Variants in ARMH3 observed in about 807,000 individuals in gnomAD.
ARMH3 encodes the protein armadillo-like helical domain-containing protein 3.
Under a neutral mutation model 99.1 loss-of-function variants are expected in ARMH3, and 60 were observed. That is an observed-to-expected ratio of 0.61 (90% CI 0.49 to 0.75). The LOEUF (loss-of-function observed/expected upper bound fraction) is 0.75, where lower values mean the gene tolerates loss of function less well. Among genes scored for constraint, ARMH3 ranks in the 30% least tolerant of loss-of-function variants. ARMH3 has a pLI of 0.00. For synonymous variants in ARMH3, 285 were observed against 292.8 expected (o/e 0.97, Z 0.27); for missense variants, 679 against 843.1 (o/e 0.81, Z 2.41).
intron 23 of ARMH3, among the ~76,000 whole-genome samples, chr10:101,901,280 G>A (rs1169747025): frequency 1.3e-5 from 2 of 150,112 alleles, no homozygotes; most frequent in South Asian, 2.2e-4. Flanking sequence ...TATGGATCAC[G>A]TACTGGTTTT....
intron 14 of ARMH3, among the ~76,000 whole-genome samples, chr10:102,005,204 A>C (rs2066455744): frequency 6.6e-6 from 1 of 152,020 alleles, no homozygotes; most frequent in Admixed American, 6.6e-5. Flanking sequence ...CTCAAAAACA[A>C]ATAAATAAAT....
In ARMH3 at chr10:102,033,080, G is replaced by A; in HGVS notation, c.252C>T (p.His84=). The part of the protein sequence containing the change: ...IKDNINCLFQ[H]CIQALGEEHP... ...GCTCCTCTCCCAGAGCCTGGATGCA[G>A]TGTTGGAATAAGCAATTAATATTGT... The change falls in exon 4 of 26, where the codon CAC becomes CAT. Residue 84 remains histidine (H), a synonymous_variant. Coordinates refer to ENST00000370033, the MANE Select transcript of ARMH3 (RefSeq NM_024541.3). 6.2e-7 allele frequency: 1 copy of A among 1,614,214 alleles called. No individual in the cohort carries two copies. Among genetic ancestry groups the A allele is most frequent in the East Asian group, 2.2e-5 (1 of 44,890 alleles).
At chr10:101,850,251 C>G (rs2066564049) in intron 24 of ARMH3, among the ~76,000 whole-genome samples, 1 of 150,346 alleles carries the variant, frequency 6.7e-6, no homozygotes, top group Non-Finnish European at 1.5e-5. Context: ...GGGCACATCA[C>G]CACACCTGGC....
chr10:101,975,362 T>C, intron 19 of ARMH3, 62 bp from the exon 20 acceptor site: 5 of 1,354,362 alleles, frequency 3.7e-6, no homozygotes, highest in South Asian at 1.2e-5. Context: ...TCACCAGAGA[T>C]CCCTTCTTAG....
At chr10:101,957,828 T>TTA in intron 20 of ARMH3, 96 bp from the exon 21 acceptor site, 1 of 1,455,100 alleles carries the variant, frequency 6.9e-7, no homozygotes. Flanking sequence ...ATCCAGAAGG[T>TTA]TAGAGTGAGT....
At chr10:101,989,641 A>G (rs1424943840) in intron 19 of ARMH3, among the ~76,000 whole-genome samples, 3 of 152,204 alleles carry the variant, frequency 2.0e-5, no homozygotes, top group African/African-American at 7.2e-5. Context: ...GAATCACTTG[A>G]ACCTGGGAAG....
intron 14 of ARMH3, among the ~76,000 whole-genome samples, chr10:102,004,000 C>A (rs1054084840): frequency 2.6e-5 from 4 of 152,196 alleles, no homozygotes; most frequent in Admixed American, 6.5e-5. Context: ...TACAAGGAGG[C>A]ACCTAACTGG....
chr10:101,960,698 G>A (rs966404981), intron 20 of ARMH3, among the ~76,000 whole-genome samples: 1 of 151,894 alleles, frequency 6.6e-6, no homozygotes, highest in South Asian at 2.1e-4. Flanking sequence ...AGACCAGCCC[G>A]GCCAAGATGG....
chr10:101,965,714 G>C (rs534513133), intron 20 of ARMH3, among the ~76,000 whole-genome samples: 2 of 152,320 alleles, frequency 1.3e-5, no homozygotes, highest in Admixed American at 6.5e-5. Context: ...TTGTAGGGAA[G>C]TGAGTGCTCA....
intron 1 of ARMH3, among the ~76,000 whole-genome samples, chr10:102,040,953 T>C (rs1012015669): frequency 6.6e-6 from 1 of 151,874 alleles, no homozygotes; most frequent in Non-Finnish European, 1.5e-5. Context: ...TGCACTTGAC[T>C]GTCTTTAGAA....
At chr10:101,896,906 G>T (rs1028247968) in intron 23 of ARMH3, among the ~76,000 whole-genome samples, 4 of 152,204 alleles carry the variant, frequency 2.6e-5, no homozygotes, top group African/African-American at 9.6e-5. Flanking sequence ...CTACCTGGAG[G>T]TGAGAAGAGT....
intron 23 of ARMH3, among the ~76,000 whole-genome samples, chr10:101,905,115 G>A (rs1163181448): frequency 2.6e-5 from 4 of 151,896 alleles, no homozygotes; most frequent in South Asian, 2.1e-4. Flanking sequence ...CTTTTATAAC[G>A]GGGCTCCACA....
chr10:102,040,648 A>G (rs2067388824), intron 1 of ARMH3, among the ~76,000 whole-genome samples: 1 of 152,156 alleles, frequency 6.6e-6, no homozygotes. Flanking sequence ...CACATTTTAC[A>G]TTCTTAAAAT....
chr10:101,919,376 A>G (rs749295966), intron 23 of ARMH3, among the ~76,000 whole-genome samples: 11 of 152,032 alleles, frequency 7.2e-5, no homozygotes, highest in Non-Finnish European at 1.2e-4. Flanking sequence ...GGCTATCTTC[A>G]TATCTCCTTC....
At chr10:101,989,847 T>A (rs970190760) in intron 19 of ARMH3, among the ~76,000 whole-genome samples, 2 of 152,244 alleles carry the variant, frequency 1.3e-5, no homozygotes, top group Non-Finnish European at 2.9e-5. Context: ...AGCTAGGCTG[T>A]CAGGACAATG....
At chr10:101,935,174 A>ATATAT (rs1843902399) in intron 23 of ARMH3, among the ~76,000 whole-genome samples, 10 of 117,106 alleles carry the variant, frequency 8.5e-5, no homozygotes, top group African/African-American at 3.2e-4. Flanking sequence ...AAGGTGGAGC[A>ATATAT]ATATATATAT....
At chr10:101,981,846 G>A (rs1242958179) in intron 19 of ARMH3, among the ~76,000 whole-genome samples, 2 of 151,406 alleles carry the variant, frequency 1.3e-5, no homozygotes, top group Non-Finnish European at 2.9e-5. Context: ...GTGAAACCCC[G>A]TCTCTATCTA....
At chr10:101,950,142 C>T (rs1844720162) in intron 22 of ARMH3, among the ~76,000 whole-genome samples, 1 of 152,060 alleles carries the variant, frequency 6.6e-6, no homozygotes, top group Admixed American at 6.6e-5. Context: ...GTAGTGGAGG[C>T]TGTAACCAGT....
chr10:101,880,125 G>C (rs2067374538), intron 24 of ARMH3, among the ~76,000 whole-genome samples: 1 of 152,228 alleles, frequency 6.6e-6, no homozygotes, highest in Non-Finnish European at 1.5e-5. Context: ...ATCATTCATG[G>C]CTACAGGGAG....
Sources: allele counts gnomAD v4.1 joint callset (sites outside exome capture counted in the v4.1 genomes callset), GRCh38; gene constraint gnomAD v4.1.1; transcripts MANE v1.5; gene names NCBI Gene and HGNC (gene_info 2026-07-23, HGNC 2026-07-21).